The following ZBTB20 variants were observed in gnomAD, a reference collection of about 807,000 sequenced individuals.
ZBTB20 encodes the protein zinc finger and BTB domain containing 20.
A neutral mutation model predicts 56.9 loss-of-function variants in ZBTB20; 9 were observed. The ratio of observed to expected loss-of-function variants is 0.16; its 90% CI spans 0.10 to 0.28. The LOEUF (loss-of-function observed/expected upper bound fraction) is 0.28. Ranked by LOEUF, ZBTB20 falls within the 10% of genes least tolerant of loss-of-function variation. The pLI is 1.00. For synonymous variants in ZBTB20, 417 were observed against 420.7 expected (o/e 0.99, Z 0.11); for missense variants, 655 against 1,003.0 (o/e 0.65, Z 4.69).
At chr3:114,797,404 A>G (rs535022432) in intron 5 of ZBTB20, among the ~76,000 whole-genome samples, 10 of 151,694 alleles carry the variant, frequency 6.6e-5, no homozygotes, top group Non-Finnish European at 1.3e-4. Flanking sequence ...AATACTATCA[A>G]TGTTCTCCTG....
At chr3:114,484,416 T>C (rs753324074) in intron 7 of ZBTB20, among the ~76,000 whole-genome samples, 2 of 152,150 alleles carry the variant, frequency 1.3e-5, no homozygotes, top group Non-Finnish European at 2.9e-5. Flanking sequence ...TAGCTGTTAA[T>C]AATCAAGAGA....
Position 114,339,169 on chromosome 3 carries a change from T to C in ZBTB20, c.2062A>G (p.Asn688Asp). The change falls in exon 12 of 12, where the codon AAT becomes GAT. Residue 688 changes from asparagine (N) to aspartate (D), a missense_variant. Around this residue, in one of 10 missense-constraint regions of ZBTB20, gnomAD observed 89 missense variants for 79.7 expected, o/e 1.12. Transcript: ENST00000675478. The surrounding 1 kb of genome is among the most constrained non-coding windows in gnomAD (Gnocchi z 4.2). ...ERHVALHSAS[N>D]GTPPAGTPPG... ...GGTGTGCCTGCAGGGGGGGTCCCAT[T>C]GCTGGCACTGTGCAGGGCCACGTGT... The C allele has an allele frequency of 6.2e-7, 1 of 1,614,138 alleles. No homozygotes were observed. The highest frequency in any genetic ancestry group is 1.1e-5 in the South Asian group (1 of 91,092).
chr3:114,710,859 G>A (rs192315945), intron 5 of ZBTB20, among the ~76,000 whole-genome samples: 2 of 152,130 alleles, frequency 1.3e-5, no homozygotes, highest in African/African-American at 4.8e-5. Flanking sequence ...CTTTATCATG[G>A]CCTGTGTGAG....
intron 5 of ZBTB20, among the ~76,000 whole-genome samples, chr3:114,732,060 A>T (rs1451621153): frequency 6.6e-6 from 1 of 152,138 alleles, no homozygotes; most frequent in Non-Finnish European, 1.5e-5. Context: ...AGCAAGCACC[A>T]CTTCTTTCAG....
At chr3:115,069,868 T>C (rs1283343023) in intron 2 of ZBTB20, among the ~76,000 whole-genome samples, 4 of 152,116 alleles carry the variant, frequency 2.6e-5, no homozygotes, top group Non-Finnish European at 1.5e-5. Flanking sequence ...AAAAAAAATA[T>C]TCTTGGGTAA....
intron 2 of ZBTB20, among the ~76,000 whole-genome samples, chr3:115,038,862 T>C (rs994799549): frequency 5.3e-5 from 8 of 152,156 alleles, no homozygotes; most frequent in Non-Finnish European, 2.9e-5. Context: ...CATTTTAAAA[T>C]AATATTTTCA....
intron 1 of ZBTB20, among the ~76,000 whole-genome samples, chr3:115,098,397 T>A (rs2083455489): frequency 6.6e-6 from 1 of 152,088 alleles, no homozygotes; most frequent in Admixed American, 6.5e-5. Context: ...TTGAAACAAA[T>A]TTTTGGGTCA....
At position 114,524,749 on chromosome 3, in the gene ZBTB20, G is replaced by T. The variant is rs1577287123; in HGVS notation, c.-294-24358C>A. On this transcript the variant is annotated intron_variant, in intron 6 of 11. Coordinates refer to ENST00000675478, the MANE Select transcript of ZBTB20 (RefSeq NM_001348800.3). The stretch of plus-strand genomic sequence containing the variant: ...TTTTTCTGAGATGGAGTCTCACTCT[G>T]TTGCCCAGGCTGGAGTGCACAGTCA... Among the ~76,000 whole-genome samples, 3 of 152,064 alleles carry T rather than the reference G, an allele frequency of 2.0e-5. No individual in the cohort carries two copies. In the East Asian group the frequency reaches 5.8e-4, roughly 29 times the overall value.
At chr3:114,669,679 C>T (rs1408941886) in intron 6 of ZBTB20, among the ~76,000 whole-genome samples, 1 of 150,650 alleles carries the variant, frequency 6.6e-6, no homozygotes, top group Non-Finnish European at 1.5e-5. Flanking sequence ...GTCATTTTTT[C>T]TAGGACCAGT....
chr3:115,057,154 T>A (rs959064012), intron 2 of ZBTB20, among the ~76,000 whole-genome samples: 4 of 152,164 alleles, frequency 2.6e-5, no homozygotes, highest in Non-Finnish European at 4.4e-5. Context: ...ATTGCAACTG[T>A]CATTGCAATT....
intron 6 of ZBTB20, among the ~76,000 whole-genome samples, chr3:114,655,188 T>C (rs2060329134): frequency 2.6e-5 from 4 of 151,824 alleles, no homozygotes; most frequent in Non-Finnish European, 5.9e-5. Context: ...CATTATATGC[T>C]TTTGATTTTT....
chr3:114,910,344 A>C (rs1025097956), intron 3 of ZBTB20, among the ~76,000 whole-genome samples: 1 of 151,520 alleles, frequency 6.6e-6, no homozygotes, highest in East Asian at 1.9e-4. Context: ...ACCAGGCCCA[A>C]ATATATTTAA....
rs148142898 is a variant in ZBTB20 at position 114,504,018 on chromosome 3, T to C, written c.-294-3627A>G. ...TCATGAATCCCAGGTTAGGAACCCC[T>C]GGCCTAGGCAGACAGGGGAGAAAAA... On this transcript the variant is annotated intron_variant, in intron 6 of 11. Transcript: ENST00000675478. 5.0e-3 allele frequency among the ~76,000 whole-genome samples: 767 copies of C among 152,218 alleles called. 8 individuals are homozygous for C. The highest frequency in any genetic ancestry group is 0.018 in the African/African-American group (731 of 41,540).
chr3:114,583,793 T>C (rs1439558981), intron 6 of ZBTB20, among the ~76,000 whole-genome samples: 1 of 152,214 alleles, frequency 6.6e-6, no homozygotes, highest in Non-Finnish European at 1.5e-5. Flanking sequence ...ATAGCAAATG[T>C]TCTATTAGAT....
chr3:114,861,837 A>C (rs1453922561), intron 4 of ZBTB20: 1 of 152,152 alleles, frequency 6.6e-6, no homozygotes, highest in Non-Finnish European at 1.5e-5. Flanking sequence ...AATCAGAAGA[A>C]CTTTGGAAGC....
At chr3:115,082,865 T>C (rs2082848446) in intron 1 of ZBTB20, among the ~76,000 whole-genome samples, 1 of 151,978 alleles carries the variant, frequency 6.6e-6, no homozygotes, top group Non-Finnish European at 1.5e-5. Context: ...TATCTGCTCC[T>C]CTTAAATATA....
intron 4 of ZBTB20, among the ~76,000 whole-genome samples, chr3:114,808,150 C>T (rs978352558): frequency 2.0e-5 from 3 of 151,984 alleles, no homozygotes; most frequent in Non-Finnish European, 2.9e-5. Context: ...TATTACGAGT[C>T]TGTTCATATT....
intron 7 of ZBTB20, among the ~76,000 whole-genome samples, chr3:114,408,082 C>T (rs968913041): frequency 6.6e-6 from 1 of 152,144 alleles, no homozygotes; most frequent in Non-Finnish European, 1.5e-5. Context: ...TCATTCTAGT[C>T]GTCTGTCTCC....
At chr3:114,746,810 T>G (rs898444934) in intron 5 of ZBTB20, among the ~76,000 whole-genome samples, 2 of 152,248 alleles carry the variant, frequency 1.3e-5, no homozygotes, top group African/African-American at 4.8e-5. Flanking sequence ...TATCAGAATC[T>G]ATATTGAAAA....
Sources: gnomAD v4.1 joint callset for allele counts (sites outside exome capture counted in the v4.1 genomes callset) on GRCh38, gnomAD v4.1.1 for gene constraint, gnomAD v4.1.1 regional missense constraint, Gnocchi (gnomAD v3.1) non-coding constraint, MANE v1.5 for transcripts, NCBI Gene and HGNC (gene_info 2026-07-23, HGNC 2026-07-21) for gene names.